Variants in SYNPR observed in about 807,000 individuals in gnomAD.
SYNPR encodes the protein synaptoporin.
Under a neutral mutation model 32.9 loss-of-function variants are expected in SYNPR, and 23 were observed. That is an observed-to-expected ratio of 0.70 (90% CI 0.50 to 0.99). The LOEUF is 0.99. Ranked by LOEUF, SYNPR falls within the 50% of genes least tolerant of loss-of-function variation. The pLI is 0.00. For missense variants in SYNPR, 318 were observed against 349.3 expected (o/e 0.91, Z 0.71); for synonymous variants, 146 against 135.9 (o/e 1.07, Z -0.52).
At chr3:63,217,501 C>T in the SYNPR span, among the ~76,000 whole-genome samples, 1 of 65,016 alleles carries the variant, frequency 1.5e-5, no homozygotes, top group East Asian at 2.4e-4. Context: ...CTTTCTTTGA[C>T]TCTGAAAGGG....
intron 3 of SYNPR, among the ~76,000 whole-genome samples, chr3:63,551,541 CA>C (rs1275987933): frequency 6.6e-6 from 1 of 152,196 alleles, no homozygotes; most frequent in African/African-American, 2.4e-5. Flanking sequence ...TTCTCCCCAG[CA>C]AACATGAAAG....
Position 63,251,946 on chromosome 3 carries a change from A to G in SYNPR, n.67-553A>G, listed in dbSNP as rs79923741. 2.0e-3 allele frequency among the ~76,000 whole-genome samples: 307 copies of G among 152,174 alleles called. 8 individuals are homozygous for G. In the East Asian group the frequency reaches 0.052, roughly 26 times the overall value. ...AATCAGGTTGAGTAAAAGAAAAATA[A>G]AGGCAATTAAATGTCTTCCATACTT... is the stretch of plus-strand genomic sequence containing the variant. On this transcript the variant is annotated intron_variant and non_coding_transcript_variant, in intron 1 of 4. Transcript: ENST00000478456.
intron 2 of SYNPR, among the ~76,000 whole-genome samples, chr3:63,321,829 A>C (rs547191039): frequency 2.0e-5 from 3 of 152,218 alleles, no homozygotes; most frequent in African/African-American, 7.2e-5. Flanking sequence ...AAATCAGTTC[A>C]GGGCCTCTTT....
At chr3:63,382,064 C>T (rs368324973) in intron 2 of SYNPR, among the ~76,000 whole-genome samples, 2 of 152,136 alleles carry the variant, frequency 1.3e-5, no homozygotes, top group South Asian at 4.1e-4. Context: ...ACAACTACAT[C>T]AGACAATGTT....
At chr3:63,558,464 C>G (rs1183818376) in intron 4 of SYNPR, among the ~76,000 whole-genome samples, 1 of 152,102 alleles carries the variant, frequency 6.6e-6, no homozygotes, top group Non-Finnish European at 1.5e-5. Flanking sequence ...TCCCAAGTAG[C>G]TGGGACAACA....
intron 2 of SYNPR, among the ~76,000 whole-genome samples, chr3:63,334,451 A>G (rs1370813026): frequency 1.3e-5 from 2 of 151,638 alleles, no homozygotes; most frequent in Non-Finnish European, 2.9e-5. Context: ...CATTGTCATT[A>G]TTGTCTTTCA....
intron 2 of SYNPR, among the ~76,000 whole-genome samples, chr3:63,339,497 C>T (rs1209033197): frequency 6.6e-6 from 1 of 152,118 alleles, no homozygotes; most frequent in East Asian, 1.9e-4. Flanking sequence ...AAGATAATGA[C>T]CTTGACACAA....
At chr3:63,224,241 T>C (rs192864159), upstream of SYNPR, among the ~76,000 whole-genome samples, 3 of 152,290 alleles carry the variant, frequency 2.0e-5, no homozygotes, top group South Asian at 4.1e-4. Context: ...TCTCATAGGA[T>C]TGCGGACCCT....
chr3:63,281,264 A>C (rs969977071), intron 2 of SYNPR, among the ~76,000 whole-genome samples: 2 of 152,318 alleles, frequency 1.3e-5, no homozygotes, highest in African/African-American at 4.8e-5. Context: ...ATGACAGAGC[A>C]CTTAAAATAT....
chr3:63,347,235 A>T (rs147089550), intron 2 of SYNPR, among the ~76,000 whole-genome samples: 211 of 152,298 alleles, frequency 1.4e-3, no homozygotes, highest in Non-Finnish European at 2.3e-3. Context: ...TCTTATTCAG[A>T]CTTGCAGGTA....
chr3:63,219,703 T>G, the SYNPR span, among the ~76,000 whole-genome samples: 235 of 152,298 alleles, frequency 1.5e-3, 1 homozygote, highest in Middle Eastern at 6.8e-3. Context: ...TATTTAAAAT[T>G]CATAAGGAAA....
At chr3:63,449,893 C>T (rs1335821609) in intron 2 of SYNPR, among the ~76,000 whole-genome samples, 3 of 152,116 alleles carry the variant, frequency 2.0e-5, no homozygotes, top group Non-Finnish European at 4.4e-5. Context: ...AATAAATGGA[C>T]ATTTAGATGG....
chr3:63,442,872 C>G (rs1364529988), intron 2 of SYNPR, among the ~76,000 whole-genome samples: 2 of 152,154 alleles, frequency 1.3e-5, no homozygotes, highest in African/African-American at 2.4e-5. Flanking sequence ...ATTTATTTAA[C>G]AAACATAACA....
At chr3:63,394,900 ATCT>A (rs909996851) in intron 2 of SYNPR, among the ~76,000 whole-genome samples, 1 of 152,226 alleles carries the variant, frequency 6.6e-6, no homozygotes, top group African/African-American at 2.4e-5. Flanking sequence ...GTTTGCAATT[ATCT>A]CATATTTATA....
chr3:63,283,093 T>A (rs1225032134), intron 2 of SYNPR, among the ~76,000 whole-genome samples: 3 of 152,204 alleles, frequency 2.0e-5, no homozygotes, highest in African/African-American at 7.2e-5. Context: ...GGAAGAGTTG[T>A]GGGCCTATCA....
At chr3:63,246,118 A>G (rs144537465) in intron 1 of SYNPR, among the ~76,000 whole-genome samples, 1 of 152,214 alleles carries the variant, frequency 6.6e-6, no homozygotes, top group African/African-American at 2.4e-5. Flanking sequence ...AAGGGCAGAC[A>G]AGGAGAACAG....
chr3:63,450,844 G>A (rs1340682549), intron 2 of SYNPR, among the ~76,000 whole-genome samples: 2 of 152,158 alleles, frequency 1.3e-5, no homozygotes, highest in African/African-American at 2.4e-5. Flanking sequence ...TTGATCTTTT[G>A]ATGAGCTGTT....
chr3:63,427,399 A>C (rs1331240519), intron 2 of SYNPR: 1 of 152,204 alleles, frequency 6.6e-6, no homozygotes, highest in Non-Finnish European at 1.5e-5. Flanking sequence ...CAGTGTATAA[A>C]GTATGTATCA....
intron 4 of SYNPR, among the ~76,000 whole-genome samples, chr3:63,581,621 C>A (rs530859378): frequency 3.9e-5 from 6 of 152,178 alleles, no homozygotes; most frequent in African/African-American, 1.4e-4. Context: ...ACAGTGAGAG[C>A]TCTTTCTGAA....
Sources: gnomAD v4.1 joint callset for allele counts (sites outside exome capture counted in the v4.1 genomes callset) on GRCh38, gnomAD v4.1.1 for gene constraint, MANE v1.5 for transcripts, NCBI Gene and HGNC (gene_info 2026-07-23, HGNC 2026-07-21) for gene names.